ITGA7: variants seen among roughly 807,000 people sequenced by gnomAD.
ITGA7 encodes the protein integrin alpha-7.
Under a neutral mutation model 131.6 loss-of-function variants are expected in ITGA7, and 84 were observed. The ratio of observed to expected loss-of-function variants is 0.64; its 90% CI spans 0.54 to 0.77. ITGA7 has a LOEUF of 0.77. Ranked by LOEUF, ITGA7 falls within the 30% of genes least tolerant of loss-of-function variation. ITGA7 has a pLI of 0.00. For missense variants in ITGA7, 1,399 were observed against 1,482.9 expected, an observed-to-expected ratio of 0.94 and a Z score of 0.93; for synonymous variants, 548 against 600.7, an observed-to-expected ratio of 0.91 and a Z score of 1.28.
chr12:55,704,529 C>T (rs1430496903), intron 1 of ITGA7, among the ~76,000 whole-genome samples: 1 of 152,186 alleles, frequency 6.6e-6, no homozygotes, highest in Non-Finnish European at 1.5e-5. Context: ...ACTATGACGT[C>T]AGATCCGAGG....
At chr12:55,693,422 A>T in intron 19 of ITGA7, 105 bp from the exon 20 acceptor site, 11 of 1,037,230 alleles carry the variant, frequency 1.1e-5, no homozygotes, top group Admixed American at 7.1e-5. Flanking sequence ...CTTGTCTCTA[A>T]CTCCTGGGCT....
At chr12:55,700,678 G>T (rs1169981023) in intron 4 of ITGA7, 5 of 678,322 alleles carry the variant, frequency 7.4e-6, no homozygotes. Flanking sequence ...GTGCACTTGG[G>T]GCCCATGCCA....
chr12:55,700,940 T>G lies in ITGA7; in HGVS notation c.629A>C (p.His210Pro), dbSNP rs1267704542. The G allele has an allele frequency of 6.2e-7, 1 of 1,614,070 alleles. No individual in the cohort carries two copies. The highest frequency in any genetic ancestry group is 8.5e-7 in the Non-Finnish European group (1 of 1,180,024). Residue 210 changes from histidine to proline, a missense_variant, in exon 4 of 25, where the codon CAC becomes CCC. Physicochemically the swap from His to Pro is moderately conservative, Grantham distance 77. Coordinates refer to ENST00000257879, the MANE Select transcript of ITGA7 (RefSeq NM_002206.3). ...TCCTGGGGCCCCAAAGAGGAGGTAG[T>G]GGCTATCAGGGGAGAAGGCGGCAGC... ...GTAAAFSPDS[H>P]YLLFGAPGTY...
chr12:55,692,475 CA>C (rs1164471034), intron 21 of ITGA7, among the ~76,000 whole-genome samples: 2 of 152,244 alleles, frequency 1.3e-5, no homozygotes, highest in Non-Finnish European at 2.9e-5. Flanking sequence ...AGTGTCCTTA[CA>C]CAAATTGACT....
At chr12:55,716,158 A>G, upstream of ITGA7, 1 of 1,612,592 alleles carries the variant, frequency 6.2e-7, no homozygotes, top group South Asian at 1.1e-5. Flanking sequence ...CTCCTAAAAG[A>G]ACACCAGGCC....
At chr12:55,708,064 C>T (rs1323097555), upstream of ITGA7, 8 of 979,460 alleles carry the variant, frequency 8.2e-6, no homozygotes, top group African/African-American at 1.2e-4. Flanking sequence ...ACCACCACGC[C>T]CCCCAAGCCC....
chr12:55,714,320 G>A (rs1464865623), upstream of ITGA7, among the ~76,000 whole-genome samples: 5 of 151,558 alleles, frequency 3.3e-5, no homozygotes, highest in Non-Finnish European at 4.4e-5. Context: ...AGACCATCCC[G>A]GCTAAAACGG....
At position 55,694,186 on chromosome 12, in the gene ITGA7, C is replaced by T. The variant is rs137884256; in HGVS notation, c.2433-63G>A. On this transcript the variant is annotated intron_variant, in intron 18 of 24. Coordinates refer to ENST00000257879, the MANE Select transcript of ITGA7 (RefSeq NM_002206.3). The surrounding 1 kb of genome is among the most constrained non-coding windows in gnomAD (Gnocchi z 5.3). The stretch of plus-strand genomic sequence containing the variant: ...GGGGCCTGGCTCAATGAAGGCAGGG[C>T]CCTGGCCAAGGTTTGGAAATGTCAA... The T allele has an allele frequency of 1.2e-6, 2 of 1,611,610 alleles. No individual in the cohort carries two copies. The highest frequency in any genetic ancestry group is 1.7e-6 in the Non-Finnish European group (2 of 1,177,798).
chr12:55,688,175 C>T, intron 23 of ITGA7, 27 bp downstream of exon 23: 1 of 1,612,986 alleles, frequency 6.2e-7, no homozygotes, highest in Non-Finnish European at 8.5e-7. Flanking sequence ...GAGTCCTCCC[C>T]ACCTATCCCC....
chr12:55,685,118 C>A lies in ITGA7; in HGVS notation c.3354G>T (p.Leu1118=). ...CCAGCTCGGGATGCCCGTCAGCAGC[C>A]AGGATGGGGTGTGCATCCGGGCCCT... is the stretch of plus-strand genomic sequence containing the variant. ...RREGPDAHPI[L]AADGHPELGP... Residue 1118 remains leucine (L), a synonymous_variant, in exon 25 of 25, where the codon CTG becomes CTT. Transcript: ENST00000257879. 6.2e-7 allele frequency: 1 copy of A among 1,612,214 alleles called. No homozygotes were observed. The highest frequency in any genetic ancestry group is 8.5e-7 in the Non-Finnish European group (1 of 1,179,764).
intron 3 of ITGA7, 141 bp from the exon 4 acceptor site, chr12:55,701,295 C>A: frequency 6.4e-7 from 1 of 1,560,110 alleles, no homozygotes; most frequent in Non-Finnish European, 8.7e-7. Flanking sequence ...ACACACACAC[C>A]CCTATGCCGG....
chr12:55,696,795 A>T, intron 12 of ITGA7, 104 bp downstream of exon 12: 1 of 1,335,392 alleles, frequency 7.5e-7, no homozygotes, highest in Admixed American at 1.7e-5. Flanking sequence ...TCTAGGTCTT[A>T]GAAGGAGGCA....
upstream of ITGA7, chr12:55,708,047 A>T: frequency 9.0e-7 from 1 of 1,112,474 alleles, no homozygotes; most frequent in Non-Finnish European, 1.1e-6. Context: ...AGCCTTGCTG[A>T]CCCCCCACCA....
chr12:55,709,902 C>T (rs543469058), upstream of ITGA7, among the ~76,000 whole-genome samples: 34 of 152,192 alleles, frequency 2.2e-4, no homozygotes, highest in South Asian at 3.1e-3. Context: ...AGAGAGGCCA[C>T]CCAAAATTAG....
rs1187505229 is a variant in ITGA7, at chr12:55,687,986, C to T, written c.3168G>A (p.Val1056=). The T allele has an allele frequency of 6.2e-7, 1 of 1,614,082 alleles. No homozygotes were observed. Among genetic ancestry groups the T allele is most frequent in the Non-Finnish European group, 8.5e-7 (1 of 1,180,044 alleles). ...LAGLLVLALL[V]LLLWKMGFFK... is the part of the protein sequence containing the mutation. ...CAAGCCTCACCTTCCACAGGAGCAG[C>T]ACCAGCAGTGCTAGCACCAGCAGCC... The change falls in exon 24 of 25, where the codon GTG becomes GTA. Residue 1056 remains valine (V), a synonymous_variant. Transcript: ENST00000257879.
chr12:55,704,085 G>A (rs747969304), intron 1 of ITGA7, among the ~76,000 whole-genome samples: 4 of 152,218 alleles, frequency 2.6e-5, no homozygotes, highest in African/African-American at 4.8e-5. Context: ...GAGTGAAGGC[G>A]GGGGTGAGGT....
At chr12:55,700,823 T>C in intron 4 of ITGA7, 76 bp downstream of exon 4, 2 of 1,589,504 alleles carry the variant, frequency 1.3e-6, no homozygotes, top group South Asian at 1.1e-5. Context: ...TGCTTGGCCA[T>C]GTGCCATCCC....
intron 22 of ITGA7, 45 bp from the exon 23 acceptor site, chr12:55,688,345 C>T (rs773626293): frequency 7.7e-7 from 1 of 1,299,540 alleles, no homozygotes; most frequent in Admixed American, 1.7e-5. Flanking sequence ...TGCCCCATGT[C>T]TCCCTCCCTT....
rs556311095 is a variant in ITGA7 at position 55,694,758 on chromosome 12, T to C, written c.2196+20A>G. The C allele has an allele frequency of 1.3e-5, 21 of 1,613,696 alleles. No homozygotes were observed. The Admixed American group carries it at 1.7e-4, about 13-fold the overall frequency. On this transcript the variant is annotated intron_variant, in intron 15 of 24. Transcript: ENST00000257879. The surrounding 1 kb of genome is among the most constrained non-coding windows in gnomAD (Gnocchi z 5.3). The stretch of plus-strand genomic sequence containing the variant: ...TGGAGCCCCTCAAGACCCCACCCCA[T>C]CCTGCCCCCAGGTCCTCACCGCAGG...
Sources: allele counts gnomAD v4.1 joint callset (sites outside exome capture counted in the v4.1 genomes callset), GRCh38; gene constraint gnomAD v4.1.1; non-coding constraint Gnocchi (gnomAD v3.1); transcripts MANE v1.5; gene names NCBI Gene and HGNC (gene_info 2026-07-23, HGNC 2026-07-21).